The following SEMA3A variants were observed in gnomAD, a reference collection of about 807,000 sequenced individuals.
The protein encoded by SEMA3A is semaphorin-3A.
A neutral mutation model predicts 97.9 loss-of-function variants in SEMA3A; 29 were observed. The ratio of observed to expected loss-of-function variants is 0.30; its 90% CI spans 0.22 to 0.40. The LOEUF is 0.40. Ranked by LOEUF, SEMA3A falls within the 10% of genes least tolerant of loss-of-function variation. The pLI, the probability that SEMA3A is intolerant of heterozygous loss-of-function variation, is 1.00. For missense variants in SEMA3A, 763 were observed against 951.3 expected (o/e 0.80, Z 2.60); for synonymous variants, 321 against 323.7 (o/e 0.99, Z 0.09).
chr7:84,329,393 ATTTAT>A (rs1194685411), intron 2 of SEMA3A, among the ~76,000 whole-genome samples: 1 of 151,926 alleles, frequency 6.6e-6, no homozygotes, highest in East Asian at 1.9e-4. Flanking sequence ...ATGCCGGTTT[ATTTAT>A]TTTATTTTAT....
rs543333281 is a variant in SEMA3A at position 84,249,864 on chromosome 7, T to A, written c.-82-55196A>T. Among the ~76,000 whole-genome samples, 5 of 151,216 alleles carry A rather than the reference T, an allele frequency of 3.3e-5. No homozygotes were observed. The South Asian group carries it at 1.0e-3, about 31-fold the overall frequency. ...CAAGTGAGGTAAAAAATAAGAAAAT[T>A]ATTTACATAAAATAAAATAGGCTGT... is the stretch of plus-strand genomic sequence containing the variant. On this transcript the variant is annotated intron_variant, in intron 3 of 3. Transcript: ENST00000424555.
chr7:84,204,275 C>T (rs1474334962), intron 3 of SEMA3A, among the ~76,000 whole-genome samples: 1 of 152,122 alleles, frequency 6.6e-6, no homozygotes, highest in Non-Finnish European at 1.5e-5. Flanking sequence ...GGATTTAAGT[C>T]ATAAGATCAT....
chr7:84,110,568 T>C lies in SEMA3A; in HGVS notation c.355A>G (p.Lys119Glu). The C allele has an allele frequency of 6.2e-7, 1 of 1,613,794 alleles. No individual in the cohort carries two copies. The highest frequency in any genetic ancestry group is 8.5e-7 in the Non-Finnish European group (1 of 1,179,808). Residue 119 changes from lysine (K) to glutamate (E), a missense_variant, in exon 4 of 17, where the codon AAG becomes GAG. Lys to Glu is a moderately conservative substitution (Grantham distance 56, BLOSUM62 1). Coordinates refer to ENST00000265362, the MANE Select transcript of SEMA3A (RefSeq NM_006080.3). ...DILKECANFI[K>E]VLKAYNQTHL... ...GTCTGATTATATGCCTTAAGTACCT[T>C]GATGAAATTAGCACATTCTTTCTGT...
intron 3 of SEMA3A, among the ~76,000 whole-genome samples, chr7:84,267,658 T>A (rs1800041061): frequency 6.6e-6 from 1 of 152,110 alleles, no homozygotes; most frequent in African/African-American, 2.4e-5. Context: ...TTTGTGGCTG[T>A]GTGTGCAAAA....
intron 2 of SEMA3A, among the ~76,000 whole-genome samples, chr7:84,322,818 A>G (rs1288383424): frequency 1.3e-5 from 2 of 152,222 alleles, no homozygotes; most frequent in African/African-American, 4.8e-5. Flanking sequence ...ATGTGAAATC[A>G]CATCAGTCAT....
chr7:84,015,299 C>T (rs954641832), intron 6 of SEMA3A, among the ~76,000 whole-genome samples: 2 of 151,868 alleles, frequency 1.3e-5, no homozygotes, highest in African/African-American at 2.4e-5. Context: ...GAGCTTAAAA[C>T]GTGATAGGCA....
chr7:84,410,973 T>C (rs1330006918), intron 1 of SEMA3A, among the ~76,000 whole-genome samples: 2 of 152,138 alleles, frequency 1.3e-5, no homozygotes, highest in African/African-American at 4.8e-5. Context: ...GGATTGTAAC[T>C]TTTTATTCCA....
intron 1 of SEMA3A, among the ~76,000 whole-genome samples, chr7:84,453,948 G>A (rs1214414991): frequency 6.6e-6 from 1 of 152,028 alleles, no homozygotes; most frequent in Non-Finnish European, 1.5e-5. Context: ...GCAAGATAAA[G>A]AAAACTACTG....
chr7:84,223,291 G>C (rs933050826), intron 3 of SEMA3A, among the ~76,000 whole-genome samples: 4 of 151,786 alleles, frequency 2.6e-5, no homozygotes, highest in African/African-American at 9.7e-5. Flanking sequence ...CCATATAGAG[G>C]TGTGTATGTA....
intron 15 of SEMA3A, among the ~76,000 whole-genome samples, chr7:83,971,848 C>T (rs542029542): frequency 1.3e-5 from 2 of 152,002 alleles, no homozygotes; most frequent in South Asian, 4.1e-4. Flanking sequence ...TGTTTTATGC[C>T]CTAAATTAAG....
At chr7:84,480,880 A>G (rs1806426285) in intron 1 of SEMA3A, among the ~76,000 whole-genome samples, 1 of 152,146 alleles carries the variant, frequency 6.6e-6, no homozygotes, top group Non-Finnish European at 1.5e-5. Context: ...GAAAGAGGGT[A>G]GCATACCAAA....
intron 1 of SEMA3A, among the ~76,000 whole-genome samples, chr7:84,489,746 TCC>T (rs1197244157): frequency 8.5e-6 from 1 of 117,572 alleles, no homozygotes; most frequent in African/African-American, 4.0e-5. Context: ...AAAATTGAAC[TCC>T]TTTTTTCTAC....
intron 1 of SEMA3A, among the ~76,000 whole-genome samples, chr7:84,150,719 G>C (rs1415411299): frequency 1.5e-4 from 23 of 152,194 alleles, no homozygotes; most frequent in Non-Finnish European, 2.5e-4. Flanking sequence ...TGGGAAGCTG[G>C]AACTGGGTGG....
chr7:84,103,123 TA>T (rs1403539989), intron 4 of SEMA3A, among the ~76,000 whole-genome samples: 21 of 152,292 alleles, frequency 1.4e-4, no homozygotes, highest in Admixed American at 7.9e-4. Context: ...AACATAGTCC[TA>T]GTACCCAGAA....
At chr7:83,984,122 G>A (rs1018654226) in intron 13 of SEMA3A, among the ~76,000 whole-genome samples, 3 of 152,066 alleles carry the variant, frequency 2.0e-5, no homozygotes, top group African/African-American at 7.2e-5. Flanking sequence ...AAAACAGAAA[G>A]AAATGGTTTA....
At chr7:84,316,262 GTTAAT>G (rs1801498568) in intron 2 of SEMA3A, among the ~76,000 whole-genome samples, 1 of 150,706 alleles carries the variant, frequency 6.6e-6, no homozygotes, top group African/African-American at 2.4e-5. Context: ...AAGACCACTG[GTTAAT>G]TTATTATGTA....
intron 6 of SEMA3A, among the ~76,000 whole-genome samples, chr7:84,015,473 T>C (rs1791061253): frequency 6.6e-6 from 1 of 152,186 alleles, no homozygotes; most frequent in African/African-American, 2.4e-5. Context: ...CTATATAAAA[T>C]ATGTAATAGC....
At chr7:84,203,526 A>ATATTTTTTTTTTTTTTTT (rs372380784) in intron 3 of SEMA3A, among the ~76,000 whole-genome samples, 1 of 25,658 alleles carries the variant, frequency 3.9e-5, no homozygotes, top group Non-Finnish European at 7.1e-5. Flanking sequence ...ATATATATAT[A>ATATTTTTTTTTTTTTTTT]TTTTTTTTTT....
At chr7:84,082,658 GTTGA>G (rs1794202699) in intron 4 of SEMA3A, among the ~76,000 whole-genome samples, 1 of 151,942 alleles carries the variant, frequency 6.6e-6, no homozygotes, top group South Asian at 2.1e-4. Flanking sequence ...CTTTTAAAGG[GTTGA>G]TTAAGAAAAA....
Sources: gnomAD v4.1 joint callset for allele counts (sites outside exome capture counted in the v4.1 genomes callset) on GRCh38, gnomAD v4.1.1 for gene constraint, MANE v1.5 for transcripts, NCBI Gene and HGNC (gene_info 2026-07-23, HGNC 2026-07-21) for gene names.